The following DDX4 variants were observed in gnomAD, a reference collection of about 807,000 sequenced individuals.
DDX4 encodes DEAD-box helicase 4.
DDX4 carries 25 observed loss-of-function variants against 100.0 expected under a neutral mutation model. That is an observed-to-expected ratio of 0.25 (90% CI 0.18 to 0.35). DDX4 has a LOEUF of 0.35. Ranked by LOEUF, DDX4 falls within the 10% of genes least tolerant of loss-of-function variation. The pLI, the probability that DDX4 is intolerant of heterozygous loss-of-function variation, is 1.00. For synonymous variants in DDX4, 259 were observed against 275.7 expected (o/e 0.94, Z 0.60); for missense variants, 635 against 882.4 (o/e 0.72, Z 3.55).
At chr5:55,786,846 T>A (rs1341293517) in intron 14 of DDX4, among the ~76,000 whole-genome samples, 176 bp downstream of exon 14, 1 of 152,216 alleles carries the variant, frequency 6.6e-6, no homozygotes. Context: ...GAAGAAAGAA[T>A]TCTGAACTAT....
intron 2 of DDX4, among the ~76,000 whole-genome samples, chr5:55,741,091 C>T (rs1057511653): frequency 5.3e-5 from 8 of 152,166 alleles, no homozygotes; most frequent in Admixed American, 1.3e-4. Context: ...TCCCCCTGGT[C>T]TTAATAGCCA....
At chr5:55,765,028 A>G (rs574536109) in intron 6 of DDX4, among the ~76,000 whole-genome samples, 63 of 152,296 alleles carry the variant, frequency 4.1e-4, no homozygotes, top group Admixed American at 1.2e-3. Context: ...TTATCAAATG[A>G]GACTGTTTCT....
chr5:55,765,413 A>AAAAAAAAAAAATAT (rs1392558099), intron 6 of DDX4, among the ~76,000 whole-genome samples: 1 of 83,042 alleles, frequency 1.2e-5, no homozygotes. Flanking sequence ...AAAAAAAAAA[A>AAAAAAAAAAAATAT]ATATATATAT....
chr5:55,779,980 T>C lies in DDX4; in HGVS notation c.411T>C (p.Asn137=). The change falls in exon 8 of 22, where the codon AAT becomes AAC. Residue 137 remains asparagine (N), a synonymous_variant. Coordinates refer to ENST00000505374, the MANE Select transcript of DDX4 (RefSeq NM_024415.3). ...ACATTATAGGCTATCGAGATGGAAATAATTCAGAAGCTTCAGGGCCATACA... is the reference window on the plus strand; with the variant it reads ...ACATTATAGGCTATCGAGATGGAAACAATTCAGAAGCTTCAGGGCCATACA... The part of the protein sequence containing the change: ...FSKRGGYRDG[N]NSEASGPYRR... 1 of 1,613,782 alleles carries C rather than the reference T, an allele frequency of 6.2e-7. No individual in the cohort carries two copies.
In DDX4 at chr5:55,782,448, C is replaced by T. The variant is rs1273418960; in HGVS notation, c.625+467C>T. On this transcript the variant is annotated intron_variant, in intron 10 of 21. Coordinates refer to ENST00000505374, the MANE Select transcript of DDX4 (RefSeq NM_024415.3). ...AACCCCCGTCTCTACTAAAACAAAA[C>T]TTAGCTGGGCATGGTGGTGTGTGCC... 3 of 156,012 alleles carry T rather than the reference C, an allele frequency of 1.9e-5. No individual in the cohort carries two copies. The East Asian group carries it at 5.5e-4, about 29-fold the overall frequency. 9.7% of individuals were successfully genotyped at this position (156,012 alleles called of 1,614,324 possible).
intron 10 of DDX4, among the ~76,000 whole-genome samples, chr5:55,783,459 A>G (rs1231764600): frequency 3.3e-5 from 5 of 152,072 alleles, no homozygotes; most frequent in African/African-American, 1.2e-4. Context: ...ACAACAGATT[A>G]CTCGTTATCT....
chr5:55,756,140 G>T (rs1440351866), intron 3 of DDX4, among the ~76,000 whole-genome samples: 1 of 152,060 alleles, frequency 6.6e-6, no homozygotes, highest in Non-Finnish European at 1.5e-5. Flanking sequence ...GTATTTGCCT[G>T]TTATGAGTGG....
At chr5:55,762,372 T>G (rs1176056703) in intron 4 of DDX4, among the ~76,000 whole-genome samples, 1 of 152,200 alleles carries the variant, frequency 6.6e-6, no homozygotes, top group Non-Finnish European at 1.5e-5. Flanking sequence ...AAAGAAATAC[T>G]ACTTTAAAAA....
chr5:55,750,695 A>C (rs1759501718), intron 3 of DDX4, among the ~76,000 whole-genome samples: 1 of 152,182 alleles, frequency 6.6e-6, no homozygotes, highest in Non-Finnish European at 1.5e-5. Flanking sequence ...ATCAGCACAG[A>C]AGGGAAGGGT....
At chr5:55,740,575 A>G (rs1300786625) in intron 2 of DDX4, among the ~76,000 whole-genome samples, 1 of 149,534 alleles carries the variant, frequency 6.7e-6, no homozygotes, top group African/African-American at 2.5e-5. Context: ...GTGCAGTCTC[A>G]GCTCACTGCA....
At chr5:55,767,393 GGTT>G (rs1740992090) in intron 6 of DDX4, among the ~76,000 whole-genome samples, 1 of 152,248 alleles carries the variant, frequency 6.6e-6, no homozygotes, top group Non-Finnish European at 1.5e-5. Context: ...AGTGAGCAGA[GGTT>G]GTGCCAGTGC....
intron 3 of DDX4, among the ~76,000 whole-genome samples, chr5:55,754,772 G>C (rs1348912000): frequency 6.6e-6 from 1 of 150,842 alleles, no homozygotes; most frequent in Middle Eastern, 3.2e-3. Flanking sequence ...TTGTACCTCT[G>C]GTAGAATTCG....
At chr5:55,794,375 TTTTTAG>T (rs1388856474) in intron 17 of DDX4, among the ~76,000 whole-genome samples, 1 of 150,632 alleles carries the variant, frequency 6.6e-6, no homozygotes, top group Non-Finnish European at 1.5e-5. Flanking sequence ...TTTTTTTGTA[TTTTTAG>T]TAGAGACGGG....
intron 18 of DDX4, among the ~76,000 whole-genome samples, chr5:55,813,169 T>G (rs1321354267): frequency 6.6e-6 from 1 of 152,080 alleles, no homozygotes; most frequent in African/African-American, 2.4e-5. Flanking sequence ...TAAGATATTT[T>G]GGGAATGAAG....
chr5:55,806,908 T>C (rs1459805726), intron 18 of DDX4, among the ~76,000 whole-genome samples: 2 of 152,212 alleles, frequency 1.3e-5, no homozygotes, highest in Admixed American at 6.5e-5. Context: ...ATCTGTCTAA[T>C]GTTGACAGTG....
intron 17 of DDX4, among the ~76,000 whole-genome samples, chr5:55,793,707 C>T (rs923093873): frequency 1.3e-5 from 2 of 152,208 alleles, no homozygotes; most frequent in African/African-American, 4.8e-5. Context: ...CAGACTCATG[C>T]ACCATATATG....
chr5:55,815,473 A>T (rs1744344237), intron 21 of DDX4, 50 bp downstream of exon 21: 1 of 1,575,276 alleles, frequency 6.3e-7, no homozygotes, highest in African/African-American at 1.4e-5. Flanking sequence ...ACTCTTTGTA[A>T]ATGTTGTGCT....
intron 5 of DDX4, 61 bp downstream of exon 5, chr5:55,763,313 T>G: frequency 2.9e-6 from 3 of 1,050,390 alleles, no homozygotes; most frequent in Non-Finnish European, 4.5e-6. Flanking sequence ...ATAATTGAGT[T>G]TAAATACTGA....
At chr5:55,773,622 G>T (rs1481006654) in intron 7 of DDX4, among the ~76,000 whole-genome samples, 1 of 151,598 alleles carries the variant, frequency 6.6e-6, no homozygotes, top group African/African-American at 2.4e-5. Context: ...CTCATTGTGG[G>T]TTTTTTGTTT....
Sources: gnomAD v4.1 joint callset for allele counts (sites outside exome capture counted in the v4.1 genomes callset) on GRCh38, gnomAD v4.1.1 for gene constraint, MANE v1.5 for transcripts, NCBI Gene and HGNC (gene_info 2026-07-23, HGNC 2026-07-21) for gene names.